The following NRXN3 variants were observed in gnomAD, a reference collection of about 807,000 sequenced individuals.
NRXN3 encodes the protein neurexin 3, also known as neurexin III.
In NRXN3, 32 loss-of-function variants were observed where a neutral mutation model predicts 137.6. The ratio of observed to expected loss-of-function variants is 0.23; its 90% CI spans 0.18 to 0.31. NRXN3 has a LOEUF of 0.31. Ranked by LOEUF, NRXN3 falls within the 10% of genes least tolerant of loss-of-function variation. The probability of loss-of-function intolerance (pLI) is 1.00; values close to 1 mark genes in which losing one functional copy is unlikely to be tolerated. For missense variants in NRXN3, 1,574 were observed against 2,062.5 expected (o/e 0.76, Z 4.59); for synonymous variants, 798 against 784.5 (o/e 1.02, Z -0.29).
chr14:78,378,803 A>C (rs1040071294), intron 4 of NRXN3, among the ~76,000 whole-genome samples: 5 of 152,204 alleles, frequency 3.3e-5, no homozygotes, highest in Admixed American at 2.0e-4. Flanking sequence ...TGAAACTGAA[A>C]ACAGAAAAAC....
chr14:78,651,027 A>C, intron 5 of NRXN3, 138 bp from the exon 6 acceptor site: 1 of 877,962 alleles, frequency 1.1e-6, no homozygotes. Context: ...TGCACATACC[A>C]AAATCAAATC....
chr14:79,403,410 AG>A (rs975840782), intron 15 of NRXN3, among the ~76,000 whole-genome samples: 12 of 152,182 alleles, frequency 7.9e-5, no homozygotes, highest in African/African-American at 2.9e-4. Context: ...AGTAGGGGGA[AG>A]GAAAAAGGAA....
chr14:79,250,446 A>G (rs1035924941), intron 15 of NRXN3, among the ~76,000 whole-genome samples: 1 of 152,210 alleles, frequency 6.6e-6, no homozygotes, highest in Non-Finnish European at 1.5e-5. Context: ...ACTAGTATTT[A>G]TTGAGTCTCT....
At chr14:79,020,139 C>T (rs1290730386) in intron 15 of NRXN3, among the ~76,000 whole-genome samples, 285 of 10,206 alleles carry the variant, frequency 0.028, 19 homozygotes, top group African/African-American at 0.18. Context: ...CTTCCCTTCC[C>T]TTCCCTTCCC....
At chr14:78,472,079 G>C (rs2095285731) in intron 4 of NRXN3, among the ~76,000 whole-genome samples, 1 of 152,244 alleles carries the variant, frequency 6.6e-6, no homozygotes, top group Non-Finnish European at 1.5e-5. Flanking sequence ...ACAGGCATCA[G>C]AAGAGAAAGC....
At chr14:79,256,237 G>T (rs1201276521) in intron 15 of NRXN3, among the ~76,000 whole-genome samples, 2 of 151,764 alleles carry the variant, frequency 1.3e-5, no homozygotes, top group African/African-American at 4.8e-5. Flanking sequence ...CCACTTAAAG[G>T]AATGCTGTGA....
At chr14:78,213,335 A>G (rs2062930778) in intron 1 of NRXN3, among the ~76,000 whole-genome samples, 1 of 152,208 alleles carries the variant, frequency 6.6e-6, no homozygotes, top group South Asian at 2.1e-4. Flanking sequence ...ACATCAAAAC[A>G]GGATTGATTA....
intron 6 of NRXN3, among the ~76,000 whole-genome samples, chr14:78,705,128 TCCCCCA>T (rs1199668136): frequency 6.6e-6 from 1 of 152,180 alleles, no homozygotes; most frequent in Non-Finnish European, 1.5e-5. Flanking sequence ...TGTGACATCT[TCCCCCA>T]TGGGGAGCCG....
intron 15 of NRXN3, among the ~76,000 whole-genome samples, chr14:79,128,786 G>C (rs991441541): frequency 6.6e-6 from 1 of 151,764 alleles, no homozygotes; most frequent in Non-Finnish European, 1.5e-5. Flanking sequence ...GGTAGAATTC[G>C]GCTGTGAATC....
chr14:79,029,410 C>G (rs2099603710), intron 15 of NRXN3, among the ~76,000 whole-genome samples: 1 of 152,114 alleles, frequency 6.6e-6, no homozygotes. Context: ...TCTTTCGGTT[C>G]CTGCCCCGAC....
At chr14:78,260,428 T>G (rs1420961300) in intron 2 of NRXN3, among the ~76,000 whole-genome samples, 1 of 152,212 alleles carries the variant, frequency 6.6e-6, no homozygotes, top group Non-Finnish European at 1.5e-5. Flanking sequence ...GGACTTACGC[T>G]TCTAAGTTTA....
At chr14:78,171,726 G>T (rs1232769046) in intron 1 of NRXN3, among the ~76,000 whole-genome samples, 1 of 143,778 alleles carries the variant, frequency 7.0e-6, no homozygotes. Context: ...GACTTACCCT[G>T]TGATTACTTG....
chr14:79,538,622 G>T (rs2097239396), intron 16 of NRXN3, among the ~76,000 whole-genome samples: 1 of 152,068 alleles, frequency 6.6e-6, no homozygotes. Context: ...TACGTTCCTT[G>T]TAGATTCTGG....
At chr14:79,633,992 C>T (rs1185409859) in intron 16 of NRXN3, among the ~76,000 whole-genome samples, 1 of 148,538 alleles carries the variant, frequency 6.7e-6, no homozygotes, top group Non-Finnish European at 1.5e-5. Context: ...ATTCCATAAA[C>T]ACAAAACCAA....
At chr14:79,807,676 G>A (rs1340361303) in intron 20 of NRXN3, among the ~76,000 whole-genome samples, 2 of 152,266 alleles carry the variant, frequency 1.3e-5, no homozygotes, top group African/African-American at 2.4e-5. Flanking sequence ...GTTCTGTAAG[G>A]GAGCATGAGA....
At chr14:79,773,887 C>T (rs1008078389) in intron 19 of NRXN3, among the ~76,000 whole-genome samples, 1 of 150,410 alleles carries the variant, frequency 6.6e-6, no homozygotes, top group Non-Finnish European at 1.5e-5. Context: ...CTTAACCTCT[C>T]TCTCTGCTCA....
At chr14:78,324,306 AC>A (rs1331760908) in intron 4 of NRXN3, among the ~76,000 whole-genome samples, 1 of 152,066 alleles carries the variant, frequency 6.6e-6, no homozygotes, top group African/African-American at 2.4e-5. Context: ...CCTACTGCAT[AC>A]CTGGCATTGC....
rs114991210 is a variant in NRXN3 at position 78,373,306 on chromosome 14, G to A, written c.757+75446G>A. On this transcript the variant is annotated intron_variant, in intron 4 of 20. Coordinates refer to ENST00000335750, the MANE Select transcript of NRXN3 (RefSeq NM_001330195.2). Reference sequence around the variant, plus strand: ...TGTCGTTTAGAGTGTGGCAACCTCAGGCAGTTAGCCTCAAAGCATTTACCA... The same window carrying A: ...TGTCGTTTAGAGTGTGGCAACCTCAAGCAGTTAGCCTCAAAGCATTTACCA... Among the ~76,000 whole-genome samples, 517 of 152,242 alleles carry A rather than the reference G, an allele frequency of 3.4e-3. 2 individuals are homozygous for A. The highest frequency in any genetic ancestry group is 0.012 in the African/African-American group (490 of 41,532).
chr14:78,664,384 AT>A (rs1312741393), intron 6 of NRXN3, among the ~76,000 whole-genome samples: 2 of 152,072 alleles, frequency 1.3e-5, no homozygotes, highest in Admixed American at 1.3e-4. Flanking sequence ...CCCTCTCTTA[AT>A]CTTCGATCTC....
Sources: allele counts gnomAD v4.1 joint callset (sites outside exome capture counted in the v4.1 genomes callset), GRCh38; gene constraint gnomAD v4.1.1; transcripts MANE v1.5; gene names NCBI Gene and HGNC (gene_info 2026-07-23, HGNC 2026-07-21).